The following RANBP17 variants were observed in gnomAD, a reference collection of about 807,000 sequenced individuals.
RANBP17 encodes ran-binding protein 17.
In RANBP17, 158 loss-of-function variants were observed where a neutral mutation model predicts 141.2. The ratio of observed to expected loss-of-function variants is 1.12; its 90% CI spans 0.98 to 1.28. The LOEUF (loss-of-function observed/expected upper bound fraction) is 1.28. RANBP17 is among the 50% of genes most tolerant of loss of function. RANBP17 has a pLI of 0.00. For missense variants in RANBP17, 1,438 were observed against 1,290.7 expected, an observed-to-expected ratio of 1.11 and a Z score of -1.75; for synonymous variants, 430 against 450.0, an observed-to-expected ratio of 0.96 and a Z score of 0.56.
At chr5:171,168,231 C>A (rs1053816378) in intron 14 of RANBP17, among the ~76,000 whole-genome samples, 1 of 152,126 alleles carries the variant, frequency 6.6e-6, no homozygotes, top group South Asian at 2.1e-4. Flanking sequence ...GAGAGTTCAA[C>A]TCACTGTGCC....
In RANBP17 at chr5:171,183,237, CT is replaced by C; in HGVS notation, c.1929+9del. 6.3e-7 allele frequency: 1 copy of C among 1,598,396 alleles called. No homozygotes were observed. On this transcript the variant is annotated splice_region_variant and intron_variant, in intron 17 of 27. Coordinates refer to ENST00000523189, the MANE Select transcript of RANBP17 (RefSeq NM_022897.5). Reference sequence around the variant, plus strand: ...CATGCTAAAAAACCACACGGTAAGTCTTATTTCTTTAATTAATGAATAACAT... The same window carrying C: ...CATGCTAAAAAACCACACGGTAAGTCTATTTCTTTAATTAATGAATAACAT...
intron 13 of RANBP17, among the ~76,000 whole-genome samples, chr5:170,955,681 T>C (rs188613013): frequency 0.068 from 2,636 of 38,976 alleles, 516 homozygotes; most frequent in Middle Eastern, 0.14. Context: ...TATATATATA[T>C]ACACTGAATG....
rs1781652828 is a variant in RANBP17, at chr5:171,033,075, C to G, written c.1710+64698C>G. On this transcript the variant is annotated intron_variant, in intron 14 of 27. Transcript: ENST00000523189. ...CCCCCACCCCCACCCCCAATTGTAT[C>G]CTTTCAAAGTCTGTGGCCTGATGCA... Among the ~76,000 whole-genome samples the G allele has an allele frequency of 3.9e-5, 4 of 102,748 alleles. 1 individual carries two copies. In the Admixed American group the frequency reaches 4.7e-4, roughly 12 times the overall value. The allele number at this position is 102,748 out of a possible 152,430, so 67.4% of individuals were successfully genotyped here. A position where few individuals can be genotyped will look rare whatever the true frequency, so the allele number is the denominator to read the frequency against.
chr5:171,017,281 G>C (rs1780506086), intron 14 of RANBP17, among the ~76,000 whole-genome samples: 1 of 152,158 alleles, frequency 6.6e-6, no homozygotes, highest in African/African-American at 2.4e-5. Flanking sequence ...TAATGGGATT[G>C]CTGGGTTAAA....
chr5:171,107,476 AT>A (rs947679681), intron 14 of RANBP17, among the ~76,000 whole-genome samples: 18 of 149,292 alleles, frequency 1.2e-4, no homozygotes, highest in East Asian at 5.9e-4. Flanking sequence ...TCAGCCTGCC[AT>A]TTTTTTTTTC....
chr5:171,125,860 G>T (rs761545986), intron 14 of RANBP17, among the ~76,000 whole-genome samples: 2 of 150,700 alleles, frequency 1.3e-5, no homozygotes, highest in Non-Finnish European at 2.9e-5. Flanking sequence ...GCACAATCTC[G>T]GCTCAGTGCA....
intron 12 of RANBP17, among the ~76,000 whole-genome samples, chr5:170,927,481 A>G (rs763857929): frequency 6.6e-6 from 1 of 151,990 alleles, no homozygotes; most frequent in Non-Finnish European, 1.5e-5. Flanking sequence ...GAGGTTGTGC[A>G]TTGTTTAAAT....
rs142412253 is a variant in RANBP17 at position 171,050,207 on chromosome 5, A to T, written c.1710+81830A>T. On this transcript the variant is annotated intron_variant, in intron 14 of 27. Coordinates refer to ENST00000523189, the MANE Select transcript of RANBP17 (RefSeq NM_022897.5). ...ACTTAACATTTTAGTTTTCCATTTT[A>T]TCTATTGAGTTTATTACTATAAACT... is the stretch of plus-strand genomic sequence containing the variant. 1.9e-3 allele frequency among the ~76,000 whole-genome samples: 287 copies of T among 152,090 alleles called. 1 individual carries two copies. Among genetic ancestry groups the T allele is most frequent in the African/African-American group, 6.1e-3 (255 of 41,484 alleles).
intron 14 of RANBP17, among the ~76,000 whole-genome samples, chr5:171,115,012 G>A (rs1230564595): frequency 6.6e-6 from 1 of 152,020 alleles, no homozygotes; most frequent in Non-Finnish European, 1.5e-5. Flanking sequence ...TGCTTGGGAG[G>A]ATGATTGCAG....
rs183323451 is a variant in RANBP17 at position 171,019,820 on chromosome 5, C to A, written c.1710+51443C>A. 1.3e-3 allele frequency among the ~76,000 whole-genome samples: 199 copies of A among 152,036 alleles called. 1 individual carries two copies. The highest frequency in any genetic ancestry group is 4.7e-3 in the African/African-American group (194 of 41,522). On this transcript the variant is annotated intron_variant, in intron 14 of 27. Coordinates refer to ENST00000523189, the MANE Select transcript of RANBP17 (RefSeq NM_022897.5). ...TTATTTCTTGTCTTCTGCTAGCTTT[C>A]AGATTAGTTTGCTCTTTCCTCTCTA...
intron 4 of RANBP17, among the ~76,000 whole-genome samples, chr5:170,893,800 A>G (rs1769865230): frequency 6.6e-6 from 1 of 152,140 alleles, no homozygotes; most frequent in Non-Finnish European, 1.5e-5. Context: ...CTCAAAAAAA[A>G]AAAAAAGAAA....
chr5:171,034,853 G>T lies in RANBP17; in HGVS notation c.1710+66476G>T, dbSNP rs564062776. 7.9e-5 allele frequency among the ~76,000 whole-genome samples: 12 copies of T among 152,228 alleles called. No homozygotes were observed. In the South Asian group the frequency reaches 2.3e-3, roughly 29 times the overall value. Reference sequence around the variant, plus strand: ...TTTTTTTGAGACAAGGTCTCACTCTGTTTCCCAGGCTGGAGTGCAGTGTTG... The same window carrying T: ...TTTTTTTGAGACAAGGTCTCACTCTTTTTCCCAGGCTGGAGTGCAGTGTTG... On this transcript the variant is annotated intron_variant, in intron 14 of 27. Transcript: ENST00000523189.
intron 2 of RANBP17, 136 bp downstream of exon 2, chr5:170,878,379 C>T: frequency 1.5e-6 from 1 of 679,492 alleles, no homozygotes; most frequent in Non-Finnish European, 2.2e-6. Flanking sequence ...TATAGTTTCA[C>T]TGTCAAAGGG....
intron 16 of RANBP17, among the ~76,000 whole-genome samples, chr5:171,182,623 G>T (rs746735437): frequency 6.6e-6 from 1 of 152,122 alleles, no homozygotes; most frequent in Non-Finnish European, 1.5e-5. Flanking sequence ...TGCCTTTTAC[G>T]TACTAGGCAC....
At chr5:171,127,191 A>C (rs1213885431) in intron 14 of RANBP17, among the ~76,000 whole-genome samples, 1 of 152,256 alleles carries the variant, frequency 6.6e-6, no homozygotes, top group African/African-American at 2.4e-5. Context: ...AATGAACGTG[A>C]TACATCACAT....
At chr5:170,959,238 T>C (rs564455067) in intron 13 of RANBP17, among the ~76,000 whole-genome samples, 3 of 152,302 alleles carry the variant, frequency 2.0e-5, no homozygotes, top group African/African-American at 7.2e-5. Flanking sequence ...TTCCTCTCTC[T>C]CCCAAACCCT....
intron 24 of RANBP17, among the ~76,000 whole-genome samples, chr5:171,251,663 G>A (rs761283461): frequency 3.9e-4 from 60 of 152,278 alleles, no homozygotes; most frequent in Non-Finnish European, 6.2e-4. Context: ...CGGTGGCGAC[G>A]AAGGCAGTGG....
intron 14 of RANBP17, among the ~76,000 whole-genome samples, chr5:171,078,441 C>G (rs1352721955): frequency 6.6e-6 from 1 of 152,152 alleles, no homozygotes; most frequent in East Asian, 1.9e-4. Flanking sequence ...CGGGCATGAG[C>G]CACCATGCCT....
At chr5:171,015,100 A>T (rs1780340431) in intron 14 of RANBP17, among the ~76,000 whole-genome samples, 1 of 151,676 alleles carries the variant, frequency 6.6e-6, no homozygotes, top group African/African-American at 2.4e-5. Context: ...TTTCCTTCTT[A>T]CTGGATTTAA....
Sources: gnomAD v4.1 joint callset for allele counts (sites outside exome capture counted in the v4.1 genomes callset) on GRCh38, gnomAD v4.1.1 for gene constraint, MANE v1.5 for transcripts, NCBI Gene and HGNC (gene_info 2026-07-23, HGNC 2026-07-21) for gene names.